CELF2: variants seen among roughly 807,000 people sequenced by gnomAD.
CELF2 encodes CUGBP Elav-like family member 2.
In CELF2, 8 loss-of-function variants were observed where a neutral mutation model predicts 62.6. The observed-to-expected ratio is 0.13, with a 90% confidence interval of 0.07 to 0.23. CELF2 has a LOEUF of 0.23. Ranked by LOEUF, CELF2 falls within the 10% of genes least tolerant of loss-of-function variation. The pLI is 1.00. For missense variants in CELF2, 333 were observed against 671.0 expected (o/e 0.50, Z 5.56); for synonymous variants, 258 against 250.0 (o/e 1.03, Z -0.30).
chr10:10,770,129 A>G, the CELF2 span, among the ~76,000 whole-genome samples: 7 of 152,326 alleles, frequency 4.6e-5, no homozygotes, highest in East Asian at 1.4e-3. Flanking sequence ...GAGAGCTTCT[A>G]GATGGATGCG....
At chr10:10,729,588 C>A in the CELF2 span, among the ~76,000 whole-genome samples, 1 of 152,132 alleles carries the variant, frequency 6.6e-6, no homozygotes, top group African/African-American at 2.4e-5. Context: ...GCCTGGGCAA[C>A]AGAGCAAGAC....
chr10:10,652,615 C>T, the CELF2 span, among the ~76,000 whole-genome samples: 2 of 150,880 alleles, frequency 1.3e-5, no homozygotes, highest in African/African-American at 4.9e-5. Flanking sequence ...TCATATCCAG[C>T]CAAACTAAGC....
chr10:10,778,609 G>C, the CELF2 span, among the ~76,000 whole-genome samples: 451 of 152,256 alleles, frequency 3.0e-3, 3 homozygotes, highest in African/African-American at 0.01. Context: ...ACCTGTTTAC[G>C]TGTTTGCCTC....
Position 11,112,682 on chromosome 10 carries a change from G to T in CELF2, c.75-52804G>T, listed in dbSNP as rs1216448909. On this transcript the variant is annotated intron_variant, in intron 1 of 12. Transcript: ENST00000633077. ...AACGATATTTATGGGAAAAGCAATA[G>T]TAATGATCAATTTTAATGCAAGCAT... Among the ~76,000 whole-genome samples, 7 of 152,362 alleles carry T rather than the reference G, an allele frequency of 4.6e-5. No individual in the cohort carries two copies. The East Asian group carries it at 9.6e-4, about 21-fold the overall frequency.
chr10:11,047,128 TAAA>T (rs1468700812), intron 1 of CELF2, among the ~76,000 whole-genome samples: 2 of 152,134 alleles, frequency 1.3e-5, no homozygotes, highest in Non-Finnish European at 2.9e-5. Context: ...TGAAAACAGA[TAAA>T]AACAATCTCT....
intron 1 of CELF2, among the ~76,000 whole-genome samples, chr10:10,909,000 G>C (rs914342634): frequency 6.6e-6 from 1 of 152,106 alleles, no homozygotes; most frequent in Admixed American, 6.5e-5. Flanking sequence ...TGTTGGTCAG[G>C]CTGGTCTCGA....
At position 11,191,539 on chromosome 10, in the gene CELF2, C is replaced by G. The variant is rs2076291751; in HGVS notation, c.271+25857C>G. On this transcript the variant is annotated intron_variant, in intron 2 of 12. Transcript: ENST00000633077. The surrounding 1 kb of genome is among the most constrained non-coding windows in gnomAD (Gnocchi z 4.1). ...GAAAGTGACCTATCAAGGGGGCATA[C>G]AACAGGGACACCACCTTGAAATCTG... Among the ~76,000 whole-genome samples the G allele has an allele frequency of 6.6e-6, 1 of 152,148 alleles. No individual in the cohort carries two copies. Among genetic ancestry groups the G allele is most frequent in the Non-Finnish European group, 1.5e-5 (1 of 68,038 alleles).
chr10:11,230,786 T>C (rs1005944355), intron 3 of CELF2, among the ~76,000 whole-genome samples: 1 of 152,190 alleles, frequency 6.6e-6, no homozygotes, highest in African/African-American at 2.4e-5. Flanking sequence ...TAAGCACAGT[T>C]TTTCTGGCCA....
rs779530665 is a variant in CELF2, at chr10:11,018,088, A to G, written c.-2A>G. ...CCGCTGCCGCCGCGTGCGCCCGCGA[A>G]CATGACTTCTGCCTTCAAGCTGGAT... On this transcript the variant is annotated 5_prime_UTR_variant, in exon 1 of 13. Transcript: ENST00000633077. 1.4e-6 allele frequency: 2 copies of G among 1,477,418 alleles called. No homozygotes were observed. Among genetic ancestry groups the G allele is most frequent in the Non-Finnish European group, 1.8e-6 (2 of 1,104,230 alleles). The allele number at this position is 1,477,418 out of a possible 1,614,324, so 91.5% of individuals were successfully genotyped here.
At chr10:10,478,358 A>T in the CELF2 span, among the ~76,000 whole-genome samples, 1 of 152,180 alleles carries the variant, frequency 6.6e-6, no homozygotes, top group African/African-American at 2.4e-5. Context: ...CACATTTTGG[A>T]TATTTGATTT....
At chr10:10,852,084 C>A (rs528477385) in intron 1 of CELF2, among the ~76,000 whole-genome samples, 2 of 152,270 alleles carry the variant, frequency 1.3e-5, no homozygotes, top group East Asian at 3.9e-4. Context: ...ATGATGTAAC[C>A]ATTTAACTCC....
the CELF2 span, among the ~76,000 whole-genome samples, chr10:10,569,543 G>C: frequency 6.6e-6 from 1 of 152,140 alleles, no homozygotes; most frequent in African/African-American, 2.4e-5. Flanking sequence ...TATCAGTAAA[G>C]GATAAAATAT....
intron 1 of CELF2, among the ~76,000 whole-genome samples, chr10:10,877,224 C>T (rs1192848664): frequency 6.6e-6 from 1 of 152,238 alleles, no homozygotes; most frequent in African/African-American, 2.4e-5. Context: ...ATATCTGAGA[C>T]AGCTCTCAGT....
At chr10:10,744,003 G>A in the CELF2 span, among the ~76,000 whole-genome samples, 19 of 152,030 alleles carry the variant, frequency 1.2e-4, no homozygotes, top group African/African-American at 3.9e-4. Flanking sequence ...TTTATGTTGT[G>A]TTCTACCCAG....
At chr10:10,858,103 G>C (rs76515594) in intron 1 of CELF2, among the ~76,000 whole-genome samples, 1 of 152,108 alleles carries the variant, frequency 6.6e-6, no homozygotes, top group Non-Finnish European at 1.5e-5. Context: ...GGCTTTAAAC[G>C]TGATTTAGAG....
chr10:10,765,433 G>C, the CELF2 span, among the ~76,000 whole-genome samples: 3 of 152,150 alleles, frequency 2.0e-5, no homozygotes, highest in African/African-American at 7.2e-5. Context: ...AAGAGCCTTG[G>C]ACCAGGAGGT....
the CELF2 span, among the ~76,000 whole-genome samples, chr10:10,750,596 T>A: frequency 1.1e-4 from 16 of 152,380 alleles, no homozygotes. Flanking sequence ...TGTCAGATGC[T>A]CTGATGTAAA....
At chr10:11,138,151 A>G (rs920293684) in intron 1 of CELF2, among the ~76,000 whole-genome samples, 9 of 152,244 alleles carry the variant, frequency 5.9e-5, no homozygotes, top group African/African-American at 2.2e-4. Flanking sequence ...GTGAAACTAT[A>G]TGGAAACAGA....
Position 11,309,509 on chromosome 10 carries a change from G to GT in CELF2, c.977-4629dup, listed in dbSNP as rs1408210559. 6.6e-6 allele frequency among the ~76,000 whole-genome samples: 1 copy of GT among 152,148 alleles called. No homozygotes were observed. ...GATCTCTGTTAAGTTTCTGGCTGCTGTATCTCTGTTGTTTTCACTTCCAGC... is the reference window on the plus strand; with the variant it reads ...GATCTCTGTTAAGTTTCTGGCTGCTGTTATCTCTGTTGTTTTCACTTCCAGC... On this transcript the variant is annotated intron_variant, in intron 9 of 12. Transcript: ENST00000633077. The surrounding 1 kb of genome is among the most constrained non-coding windows in gnomAD (Gnocchi z 5.6).
Sources: allele counts gnomAD v4.1 joint callset (sites outside exome capture counted in the v4.1 genomes callset), GRCh38; gene constraint gnomAD v4.1.1; non-coding constraint Gnocchi (gnomAD v3.1); transcripts MANE v1.5; gene names NCBI Gene and HGNC (gene_info 2026-07-23, HGNC 2026-07-21).